Variants in SCHIP1 observed in about 807,000 individuals in gnomAD.
SCHIP1 encodes the protein schwannomin interacting protein 1.
A neutral mutation model predicts 29.7 loss-of-function variants in SCHIP1; 8 were observed. That is an observed-to-expected ratio of 0.27 (90% CI 0.16 to 0.49). The LOEUF (loss-of-function observed/expected upper bound fraction) is 0.49, where lower values mean the gene tolerates loss of function less well. Among genes scored for constraint, SCHIP1 ranks in the 20% least tolerant of loss-of-function variants. The pLI, the probability that SCHIP1 is intolerant of heterozygous loss-of-function variation, is 0.99. For missense variants in SCHIP1, 193 were observed against 294.6 expected, an observed-to-expected ratio of 0.66 and a Z score of 2.52; for synonymous variants, 76 against 94.9, an observed-to-expected ratio of 0.80 and a Z score of 1.16.
the SCHIP1 span, among the ~76,000 whole-genome samples, chr3:159,364,105 G>C: frequency 1.3e-5 from 2 of 152,110 alleles, no homozygotes; most frequent in Non-Finnish European, 2.9e-5. Flanking sequence ...CTTTTCAAAG[G>C]AAGAACATTT....
the SCHIP1 span, among the ~76,000 whole-genome samples, chr3:159,574,817 G>T: frequency 1.3e-5 from 2 of 152,208 alleles, no homozygotes; most frequent in African/African-American, 4.8e-5. Context: ...CCCCAGCAAT[G>T]GCAGACGCCC....
chr3:159,647,402 T>A, the SCHIP1 span, among the ~76,000 whole-genome samples: 1 of 152,076 alleles, frequency 6.6e-6, no homozygotes. Context: ...TCAAGAATCT[T>A]GTCACTGGAT....
chr3:159,680,597 TA>T, the SCHIP1 span, among the ~76,000 whole-genome samples: 1 of 99,478 alleles, frequency 1.0e-5, no homozygotes. Flanking sequence ...AATATATGTA[TA>T]ATATATATTA....
At chr3:159,892,381 T>A in intron 6 of SCHIP1, 191 bp downstream of exon 7, 6 of 635,614 alleles carry the variant, frequency 9.4e-6, no homozygotes, top group Admixed American at 2.8e-5. Flanking sequence ...GCATGCTTTT[T>A]AGCAACCATC....
the SCHIP1 span, among the ~76,000 whole-genome samples, chr3:159,524,296 GAA>G: frequency 8.5e-5 from 13 of 152,202 alleles, no homozygotes; most frequent in African/African-American, 3.1e-4. Flanking sequence ...ATTAAAAAAT[GAA>G]AAGTCTCTTC....
At chr3:159,511,762 T>A in the SCHIP1 span, among the ~76,000 whole-genome samples, 1 of 152,196 alleles carries the variant, frequency 6.6e-6, no homozygotes, top group Middle Eastern at 3.2e-3. Flanking sequence ...AGAAAGGATA[T>A]TCTAATAAAT....
the SCHIP1 span, among the ~76,000 whole-genome samples, chr3:159,740,771 G>GAAAAAAAAA: frequency 7.6e-5 from 8 of 104,880 alleles, no homozygotes; most frequent in Non-Finnish European, 1.3e-4. Context: ...CAAAAAAAAA[G>GAAAAAAAAA]AAAAAAAAAA....
At chr3:159,673,063 G>T in the SCHIP1 span, among the ~76,000 whole-genome samples, 3 of 152,208 alleles carry the variant, frequency 2.0e-5, no homozygotes, top group South Asian at 6.2e-4. Context: ...TTTGTTTCTT[G>T]TATTGGCCTT....
the SCHIP1 span, among the ~76,000 whole-genome samples, chr3:159,300,148 G>A: frequency 1.6e-5 from 1 of 63,352 alleles, no homozygotes; most frequent in East Asian, 5.4e-4. Context: ...TTGAGATAGG[G>A]TCTCACTCTG....
At chr3:159,405,317 C>T in the SCHIP1 span, among the ~76,000 whole-genome samples, 5 of 152,114 alleles carry the variant, frequency 3.3e-5, no homozygotes, top group African/African-American at 7.2e-5. Context: ...AGGGACCAAT[C>T]CTGGAGAGAT....
chr3:159,447,608 T>G, the SCHIP1 span, among the ~76,000 whole-genome samples: 6 of 152,204 alleles, frequency 3.9e-5, no homozygotes, highest in African/African-American at 1.4e-4. Context: ...CAAATCACTT[T>G]TTTACTGAGC....
At chr3:159,813,603 A>G in the SCHIP1 span, among the ~76,000 whole-genome samples, 72 of 152,096 alleles carry the variant, frequency 4.7e-4, no homozygotes, top group African/African-American at 1.5e-3. Flanking sequence ...TGGGAGGATC[A>G]CTTGAGGCCA....
At chr3:159,497,749 G>C in the SCHIP1 span, among the ~76,000 whole-genome samples, 2 of 151,948 alleles carry the variant, frequency 1.3e-5, no homozygotes, top group African/African-American at 4.8e-5. Context: ...TGATTATGTT[G>C]TTTTACACAT....
At chr3:159,491,775 G>A in the SCHIP1 span, among the ~76,000 whole-genome samples, 1 of 152,208 alleles carries the variant, frequency 6.6e-6, no homozygotes, top group Non-Finnish European at 1.5e-5. Context: ...GCATGCAGCT[G>A]GAGATCTGAG....
At chr3:159,287,537 G>T in the SCHIP1 span, among the ~76,000 whole-genome samples, 1 of 151,978 alleles carries the variant, frequency 6.6e-6, no homozygotes, top group South Asian at 2.1e-4. Context: ...TATTATTGGA[G>T]AATAAACCGC....
chr3:159,426,238 T>C, the SCHIP1 span, among the ~76,000 whole-genome samples: 1 of 151,478 alleles, frequency 6.6e-6, no homozygotes, highest in Non-Finnish European at 1.5e-5. Context: ...CCTTAATGAA[T>C]CCAGGAGATG....
chr3:159,866,049 T>G, intron 1 of SCHIP1, 114 bp from the exon 3 acceptor site: 3 of 864,134 alleles, frequency 3.5e-6, no homozygotes, highest in Non-Finnish European at 3.7e-6. Flanking sequence ...CCGCAGCCTA[T>G]TTATTTGTTT....
At chr3:159,807,232 T>C in the SCHIP1 span, among the ~76,000 whole-genome samples, 1 of 152,196 alleles carries the variant, frequency 6.6e-6, no homozygotes, top group Non-Finnish European at 1.5e-5. Flanking sequence ...TCTATCATAG[T>C]CCACCCATTT....
the SCHIP1 span, among the ~76,000 whole-genome samples, chr3:159,587,028 C>A: frequency 1.3e-5 from 2 of 152,190 alleles, no homozygotes. Flanking sequence ...CTGTTTGTTT[C>A]TAAGTCTCTG....
Sources: allele counts gnomAD v4.1 joint callset (sites outside exome capture counted in the v4.1 genomes callset), GRCh38; gene constraint gnomAD v4.1.1; transcripts MANE v1.5; gene names NCBI Gene and HGNC (gene_info 2026-07-23, HGNC 2026-07-21).